The following P2RX1 variants were observed in gnomAD, a reference collection of about 807,000 sequenced individuals.
P2RX1 encodes the protein P2X purinoceptor 1.
Under a neutral mutation model 50.3 loss-of-function variants are expected in P2RX1, and 42 were observed. The ratio of observed to expected loss-of-function variants is 0.83; its 90% CI spans 0.65 to 1.08. The LOEUF (loss-of-function observed/expected upper bound fraction) is 1.08, where lower values mean the gene tolerates loss of function less well. Among genes scored for constraint, P2RX1 ranks in the 50% least tolerant of loss-of-function variants. The pLI is 0.00. For missense variants in P2RX1, 449 were observed against 529.0 expected (o/e 0.85, Z 1.48); for synonymous variants, 199 against 202.6 (o/e 0.98, Z 0.15).
At position 3,904,229 on chromosome 17, in the gene P2RX1, G is replaced by A. The variant is rs865907711; in HGVS notation, c.427+101C>T. ...TCCCTCCCGGAGGCCGCCTCGGCGG[G>A]AGGGGTGTGGAGAGAGGCAGGTCAG... On this transcript the variant is annotated intron_variant, in intron 4 of 11. Transcript: ENST00000225538. 10 of 1,231,058 alleles carry A rather than the reference G, an allele frequency of 8.1e-6. No individual in the cohort carries two copies. In the South Asian group the frequency reaches 8.4e-5, roughly 10 times the overall value. The allele number at this position is 1,231,058 out of a possible 1,614,324, so 76.3% of individuals were successfully genotyped here.
Position 3,906,572 on chromosome 17 carries a change from C to T in P2RX1, c.138-1205G>A, listed in dbSNP as rs557689308. Among the ~76,000 whole-genome samples, 51 of 152,320 alleles carry T rather than the reference C, an allele frequency of 3.3e-4. 1 individual carries two copies. The South Asian group carries it at 7.7e-3, about 23-fold the overall frequency. On this transcript the variant is annotated intron_variant, in intron 1 of 11. Transcript: ENST00000225538. Reference sequence around the variant, plus strand: ...CATGCTGGGACCCCCTGGGAGACAGCGAGGAAAACAGAGCAGGGAGGTGGT... The same window carrying T: ...CATGCTGGGACCCCCTGGGAGACAGTGAGGAAAACAGAGCAGGGAGGTGGT...
chr17:3,905,997 G>C (rs775245069), intron 1 of P2RX1, among the ~76,000 whole-genome samples: 3 of 152,202 alleles, frequency 2.0e-5, no homozygotes, highest in Admixed American at 1.3e-4. Context: ...AACAGAGCAC[G>C]AAGGCTGAGA....
Position 3,916,198 on chromosome 17 carries a change from C to T in P2RX1, c.28G>A (p.Ala10Thr). 1.9e-6 allele frequency: 3 copies of T among 1,613,060 alleles called. No homozygotes were observed. The highest frequency in any genetic ancestry group is 2.5e-6 in the Non-Finnish European group (3 of 1,179,948). The change falls in exon 1 of 12, where the codon GCC becomes ACC. Residue 10 changes from alanine to threonine, a missense_variant. By Grantham distance (58) the Ala-to-Thr change is moderately conservative. Coordinates refer to ENST00000225538, the MANE Select transcript of P2RX1 (RefSeq NM_002558.4). The stretch of plus-strand genomic sequence containing the variant: ...GTGTCATACTCGAAGAGGAAGGCGG[C>T]CAGCTCCTCCTGGAACCGCCGTGCC... Reference protein sequence around the residue: MARRFQEELAAFLFEYDTPR... With the variant: MARRFQEELTAFLFEYDTPR...
At chr17:3,898,830 G>T in intron 9 of P2RX1, 104 bp downstream of exon 9, 1 of 949,894 alleles carries the variant, frequency 1.1e-6, no homozygotes, top group Non-Finnish European at 1.7e-6. Context: ...ACTGCTGGAT[G>T]AACCCACCCA....
At position 3,905,201 on chromosome 17, in the gene P2RX1, C is replaced by T; in HGVS notation, c.285+19G>A. 6.2e-7 allele frequency: 1 copy of T among 1,611,004 alleles called. No individual in the cohort carries two copies. ...AGACAGGCCCTGTGAGGGGAAGGTG[C>T]AAACCTGAGCCAGCTCACCTGGGCT... On this transcript the variant is annotated intron_variant, in intron 2 of 11. Transcript: ENST00000225538.
chr17:3,906,957 C>G (rs11078473), intron 1 of P2RX1, among the ~76,000 whole-genome samples: 80 of 152,124 alleles, frequency 5.3e-4, no homozygotes, highest in Non-Finnish European at 9.0e-4. Flanking sequence ...AGGGTGGCTG[C>G]AAGACGAAAA....
rs1165984291 is a variant in P2RX1 at position 3,896,717 on chromosome 17, G to T, written c.*1097C>A. The stretch of plus-strand genomic sequence containing the variant: ...GCAGGGAGCCCAGGATTTGGCTGGG[G>T]CTCCCACCCCAACCCGAGGTAGCTG... On this transcript the variant is annotated 3_prime_UTR_variant, in exon 12 of 12. Transcript: ENST00000225538. 1 of 152,292 alleles carries T rather than the reference G, an allele frequency of 6.6e-6. No homozygotes were observed. The highest frequency in any genetic ancestry group is 1.5e-5 in the Non-Finnish European group (1 of 68,080). 9.4% of individuals were successfully genotyped at this position (152,292 alleles called of 1,614,324 possible).
chr17:3,905,496 G>C (rs1373688361), intron 1 of P2RX1, 129 bp from the exon 2 acceptor site: 25 of 1,066,570 alleles, frequency 2.3e-5, no homozygotes, highest in African/African-American at 6.3e-5. Flanking sequence ...TCTTGGGCTA[G>C]AGGCAGGACA....
chr17:3,906,534 A>G (rs1040745935), intron 1 of P2RX1, among the ~76,000 whole-genome samples: 1 of 152,230 alleles, frequency 6.6e-6, no homozygotes, highest in African/African-American at 2.4e-5. Context: ...ATTAGTTGTT[A>G]TTATGATCCA....
intron 1 of P2RX1, among the ~76,000 whole-genome samples, chr17:3,909,561 C>T (rs1291669274): frequency 6.6e-6 from 1 of 152,116 alleles, no homozygotes; most frequent in African/African-American, 2.4e-5. Flanking sequence ...ATTCAACAAA[C>T]ATGAGCCGGG....
At chr17:3,898,449 C>T (rs748045863) in intron 10 of P2RX1, 35 bp downstream of exon 10, 2 of 1,566,946 alleles carry the variant, frequency 1.3e-6, no homozygotes, top group Admixed American at 1.7e-5. Context: ...GAGGGGCCAA[C>T]CCCAGCACAG....
chr17:3,897,119 G>A lies in P2RX1; in HGVS notation c.*695C>T, dbSNP rs1319637670. 6.5e-6 allele frequency: 1 copy of A among 153,392 alleles called. No individual in the cohort carries two copies. Among genetic ancestry groups the A allele is most frequent in the Non-Finnish European group, 1.5e-5 (1 of 68,892 alleles). 9.5% of individuals were successfully genotyped at this position (153,392 alleles called of 1,614,324 possible). A position where few individuals can be genotyped will look rare whatever the true frequency, so the allele number is the denominator to read the frequency against. On this transcript the variant is annotated 3_prime_UTR_variant, in exon 12 of 12. Transcript: ENST00000225538. ...CGAGGACGGCACTTCTTAAACTTAG[G>A]TCCCAGAATGGCCTGGGGAGTTTGC... is the stretch of plus-strand genomic sequence containing the variant.
At chr17:3,911,362 T>G (rs1350579140) in intron 1 of P2RX1, among the ~76,000 whole-genome samples, 2 of 152,224 alleles carry the variant, frequency 1.3e-5, no homozygotes, top group African/African-American at 4.8e-5. Flanking sequence ...GTTTCTTTCA[T>G]GCATAAATCT....
At position 3,903,581 on chromosome 17, in the gene P2RX1, C is replaced by T. The variant is rs2056195543; in HGVS notation, c.575G>A (p.Ser192Asn). 6.2e-7 allele frequency: 1 copy of T among 1,614,098 alleles called. No homozygotes were observed. Among genetic ancestry groups the T allele is most frequent in the African/African-American group, 1.3e-5 (1 of 74,950 alleles). ...GACCTTGAAGCGTGGAAAGCTGATG[C>T]TGTTCTTGATGAAAAGAGTGAAGTT... ...AENFTLFIKN[S>N]ISFPRFKVNR... Residue 192 changes from serine to asparagine, a missense_variant, in exon 6 of 12, where the codon AGC becomes AAC. Coordinates refer to ENST00000225538, the MANE Select transcript of P2RX1 (RefSeq NM_002558.4). The surrounding 1 kb of genome is among the most constrained non-coding windows in gnomAD (Gnocchi z 4.6).
intron 2 of P2RX1, 108 bp downstream of exon 2, chr17:3,905,112 C>G: frequency 6.9e-7 from 1 of 1,459,386 alleles, no homozygotes; most frequent in Non-Finnish European, 9.4e-7. Flanking sequence ...TCACAGAGGT[C>G]CAGAGAGAAA....
rs1045596832 is a variant in P2RX1, at chr17:3,914,003, C to A, written c.137+2086G>T. Among the ~76,000 whole-genome samples the A allele has an allele frequency of 1.3e-5, 2 of 152,278 alleles. No homozygotes were observed. Among genetic ancestry groups the A allele is most frequent in the African/African-American group, 4.8e-5 (2 of 41,544 alleles). ...GCTGAGAGGTCAGTGCAGTACTGAG[C>A]AGTGGCCAGACGAGGGCGCAAGAGA... On this transcript the variant is annotated intron_variant, in intron 1 of 11. Transcript: ENST00000225538. The surrounding 1 kb of genome is among the most constrained non-coding windows in gnomAD (Gnocchi z 4.1).
At chr17:3,909,344 AG>A (rs1159523978) in intron 1 of P2RX1, among the ~76,000 whole-genome samples, 1 of 151,336 alleles carries the variant, frequency 6.6e-6, no homozygotes, top group Non-Finnish European at 1.5e-5. Context: ...TGAGTTCTTA[AG>A]GAAATTAGCA....
chr17:3,913,863 G>GT (rs67357641), intron 1 of P2RX1, among the ~76,000 whole-genome samples: 4 of 96,312 alleles, frequency 4.2e-5, no homozygotes, highest in African/African-American at 6.0e-5. Context: ...GCACTCTTGG[G>GT]GGGGGTGGTC....
chr17:3,898,454 G>A (rs769671109), intron 10 of P2RX1, 30 bp downstream of exon 10: 3 of 1,584,588 alleles, frequency 1.9e-6, no homozygotes, highest in Non-Finnish European at 2.6e-6. Flanking sequence ...GCCAACCCCA[G>A]CACAGTGAGC....
Sources: gnomAD v4.1 joint callset for allele counts (sites outside exome capture counted in the v4.1 genomes callset) on GRCh38, gnomAD v4.1.1 for gene constraint, Gnocchi (gnomAD v3.1) non-coding constraint, MANE v1.5 for transcripts, NCBI Gene and HGNC (gene_info 2026-07-23, HGNC 2026-07-21) for gene names.